CSMD2: variants seen among roughly 807,000 people sequenced by gnomAD.
CSMD2 encodes CUB and Sushi multiple domains 2, also known as CUB and sushi domain-containing protein 2.
A neutral mutation model predicts 398.5 loss-of-function variants in CSMD2; 130 were observed. The observed-to-expected ratio is 0.33, with a 90% CI of 0.28 to 0.38. CSMD2 has a LOEUF of 0.38. CSMD2 is among the 10% of genes least tolerant of loss of function. CSMD2 has a pLI of 1.00. For synonymous variants in CSMD2, 1,828 were observed against 1,908.5 expected, an observed-to-expected ratio of 0.96 and a Z score of 1.10; for missense variants, 3,829 against 4,764.9, an observed-to-expected ratio of 0.80 and a Z score of 5.78.
At chr1:34,160,948 A>G (rs1365396082) in intron 1 of CSMD2, among the ~76,000 whole-genome samples, 1 of 152,168 alleles carries the variant, frequency 6.6e-6, no homozygotes, top group African/African-American at 2.4e-5. Flanking sequence ...TAAACTATCT[A>G]CTTATAGTTT....
chr1:34,101,664 A>G (rs1004918682), intron 1 of CSMD2, among the ~76,000 whole-genome samples: 1 of 151,824 alleles, frequency 6.6e-6, no homozygotes, highest in African/African-American at 2.4e-5. Flanking sequence ...AATAATTTTA[A>G]TTTCTTCTTT....
Position 33,772,539 on chromosome 1 carries a change from C to A in CSMD2, c.1846+30G>T, listed in dbSNP as rs368180981. 64 of 1,595,096 alleles carry A rather than the reference C, an allele frequency of 4.0e-5. No individual in the cohort carries two copies. In the South Asian group the frequency reaches 6.1e-4, roughly 15 times the overall value. On this transcript the variant is annotated intron_variant, in intron 13 of 70. Transcript: ENST00000373381. ...CGGGCCCCTGCCTCTCAGTGAAGAC[C>A]CTGGCGTGGCCTCCTCCCTGCTCAC...
In CSMD2 at chr1:33,918,318, A is replaced by G; in HGVS notation, c.713-17T>C. The G allele has an allele frequency of 6.2e-7, 1 of 1,612,040 alleles. No homozygotes were observed. The highest frequency in any genetic ancestry group is 8.5e-7 in the Non-Finnish European group (1 of 1,179,026). On this transcript the variant is annotated splice_polypyrimidine_tract_variant and intron_variant, in intron 4 of 70. Coordinates refer to ENST00000373381, the MANE Select transcript of CSMD2 (RefSeq NM_001281956.2). ...CATCATCAGCTGTGGGCACAGAGAG[A>G]AGAGGCTTACATGAGTAGTCTGGTT... is the stretch of plus-strand genomic sequence containing the variant.
In CSMD2 at chr1:33,763,003, C is replaced by G. The variant is rs181734250; in HGVS notation, c.1846+9566G>C. 1.8e-4 allele frequency among the ~76,000 whole-genome samples: 27 copies of G among 152,214 alleles called. No homozygotes were observed. In the East Asian group the frequency reaches 5.2e-3, roughly 29 times the overall value. ...ACATGGAGGTCAACATCCCACGGAC[C>G]CTGGGAGACTACAATCATCCTAATA... On this transcript the variant is annotated intron_variant, in intron 13 of 70. Coordinates refer to ENST00000373381, the MANE Select transcript of CSMD2 (RefSeq NM_001281956.2).
At chr1:33,830,073 G>T (rs1375291240) in intron 6 of CSMD2, among the ~76,000 whole-genome samples, 1 of 152,214 alleles carries the variant, frequency 6.6e-6, no homozygotes, top group Admixed American at 6.5e-5. Flanking sequence ...CTCCACCTCT[G>T]GGGGCAGGGC....
chr1:33,598,201 A>G (rs559751654), intron 44 of CSMD2, among the ~76,000 whole-genome samples: 1 of 152,292 alleles, frequency 6.6e-6, no homozygotes, highest in South Asian at 2.1e-4. Flanking sequence ...GATGGTGTTC[A>G]TTTTATTACT....
intron 25 of CSMD2, among the ~76,000 whole-genome samples, chr1:33,682,834 C>G (rs1644950129): frequency 6.6e-6 from 1 of 152,194 alleles, no homozygotes; most frequent in South Asian, 2.1e-4. Context: ...ACTCCCACCC[C>G]TTGGAACGAT....
chr1:33,916,987 G>A (rs576566477), intron 5 of CSMD2, among the ~76,000 whole-genome samples: 2 of 151,844 alleles, frequency 1.3e-5, no homozygotes, highest in African/African-American at 2.4e-5. Flanking sequence ...TGACTGCCAC[G>A]TCTCTGTCTT....
At chr1:34,075,043 C>T (rs1313491733) in intron 2 of CSMD2, among the ~76,000 whole-genome samples, 1 of 152,248 alleles carries the variant, frequency 6.6e-6, no homozygotes, top group Non-Finnish European at 1.5e-5. Flanking sequence ...AAGGCAGAAG[C>T]TGTCTTGTTA....
At chr1:33,724,365 C>G (rs924839463) in intron 18 of CSMD2, 52 bp from the exon 19 acceptor site, 3 of 1,506,062 alleles carry the variant, frequency 2.0e-6, no homozygotes, top group Admixed American at 3.5e-5. Flanking sequence ...TCAGGGAGCA[C>G]CCCCGTCATC....
intron 1 of CSMD2, among the ~76,000 whole-genome samples, chr1:34,124,926 GC>G (rs1662581404): frequency 6.6e-6 from 1 of 152,080 alleles, no homozygotes. Flanking sequence ...TTCCATCAAT[GC>G]CCCCTCCCCA....
At chr1:34,086,354 A>C (rs1017254419) in intron 2 of CSMD2, among the ~76,000 whole-genome samples, 1 of 152,158 alleles carries the variant, frequency 6.6e-6, no homozygotes, top group African/African-American at 2.4e-5. Flanking sequence ...TAGTCTCCCA[A>C]TTTTGTATCT....
rs1158409861 is a variant in CSMD2, at chr1:33,637,105, G to A, written c.4775-551C>T. ...CTCTTCTGCCCCATCTGTACCACTG[G>A]CTGGGGAGTAGAGCTGGCATCTGTT... On this transcript the variant is annotated intron_variant, in intron 29 of 70. Coordinates refer to ENST00000373381, the MANE Select transcript of CSMD2 (RefSeq NM_001281956.2). 3.3e-5 allele frequency among the ~76,000 whole-genome samples: 5 copies of A among 152,286 alleles called. No homozygotes were observed. In the East Asian group the frequency reaches 9.7e-4, roughly 29 times the overall value.
chr1:34,127,457 C>A (rs1662864131), intron 1 of CSMD2, among the ~76,000 whole-genome samples: 1 of 152,096 alleles, frequency 6.6e-6, no homozygotes, highest in South Asian at 2.1e-4. Context: ...GCTCTGGGAA[C>A]TGGGGACTGT....
chr1:33,591,787 G>C (rs1164122675), intron 44 of CSMD2: 1 of 152,218 alleles, frequency 6.6e-6, no homozygotes, highest in African/African-American at 2.4e-5. Flanking sequence ...ACCACACCCA[G>C]CTAATTTTTT....
intron 29 of CSMD2, among the ~76,000 whole-genome samples, chr1:33,645,186 G>A (rs72890878): frequency 0.027 from 4,113 of 152,060 alleles, 168 homozygotes; most frequent in African/African-American, 0.093. Flanking sequence ...TATGCAAGTG[G>A]GGAACATGAG....
chr1:33,662,829 G>A (rs1310035686), intron 26 of CSMD2, 61 bp downstream of exon 26: 13 of 1,445,012 alleles, frequency 9.0e-6, no homozygotes, highest in Admixed American at 5.0e-5. Flanking sequence ...GAGGGCCAGA[G>A]GAAGGTGGGT....
chr1:33,583,034 G>A (rs1310824287), intron 47 of CSMD2, among the ~76,000 whole-genome samples: 1 of 152,176 alleles, frequency 6.6e-6, no homozygotes, highest in Non-Finnish European at 1.5e-5. Flanking sequence ...AAGGGATGTG[G>A]ACCATCTGGA....
rs149931601 is a variant in CSMD2, at chr1:33,574,428, G to C, written c.7577-1737C>G. 5.5e-3 allele frequency among the ~76,000 whole-genome samples: 839 copies of C among 152,270 alleles called. 10 individuals are homozygous for C. Among genetic ancestry groups the C allele is most frequent in the African/African-American group, 0.019 (799 of 41,560 alleles). ...TACTTATAAATCATCCTTGCTCTTT[G>C]ACAGCTCAGGGGGTATTACAGATGG... On this transcript the variant is annotated intron_variant, in intron 49 of 70. Transcript: ENST00000373381.
Sources: gnomAD v4.1 joint callset for allele counts (sites outside exome capture counted in the v4.1 genomes callset) on GRCh38, gnomAD v4.1.1 for gene constraint, MANE v1.5 for transcripts, NCBI Gene and HGNC (gene_info 2026-07-23, HGNC 2026-07-21) for gene names.